The following LRMDA variants were observed in gnomAD, a reference collection of about 807,000 sequenced individuals.
The protein encoded by LRMDA is leucine rich melanocyte differentiation associated.
Under a neutral mutation model 29.8 loss-of-function variants are expected in LRMDA, and 18 were observed. That is an observed-to-expected ratio of 0.60 (90% CI 0.42 to 0.90). LRMDA has a LOEUF of 0.90. LRMDA is among the 40% of genes least tolerant of loss of function. The pLI, the probability that LRMDA is intolerant of heterozygous loss-of-function variation, is 0.00. For synonymous variants in LRMDA, 125 were observed against 109.4 expected, an observed-to-expected ratio of 1.14 and a Z score of -0.89; for missense variants, 273 against 273.9, an observed-to-expected ratio of 1.00 and a Z score of 0.02.
chr10:75,501,922 G>T (rs950302894), intron 2 of LRMDA, among the ~76,000 whole-genome samples: 18 of 152,176 alleles, frequency 1.2e-4, no homozygotes, highest in Non-Finnish European at 1.6e-4. Flanking sequence ...GTCTCCCAAA[G>T]TGCTGGGGTT....
intron 2 of LRMDA, among the ~76,000 whole-genome samples, chr10:76,034,502 G>A (rs1465754099): frequency 6.6e-6 from 1 of 152,172 alleles, no homozygotes; most frequent in African/African-American, 2.4e-5. Context: ...GGACCACCCC[G>A]AGGTCTGGCA....
intron 2 of LRMDA, among the ~76,000 whole-genome samples, chr10:75,658,349 A>C (rs896729052): frequency 2.0e-5 from 3 of 152,144 alleles, no homozygotes; most frequent in African/African-American, 7.2e-5. Context: ...AATGATTCAA[A>C]GGGTAGAAAA....
intron 5 of LRMDA, among the ~76,000 whole-genome samples, chr10:76,145,903 T>G (rs1203594792): frequency 9.9e-5 from 15 of 151,132 alleles, no homozygotes; most frequent in East Asian, 7.8e-4. Context: ...TTTGTTCTCA[T>G]TGGTTTCAAA....
At chr10:76,501,422 G>A (rs1383713354) in intron 6 of LRMDA, among the ~76,000 whole-genome samples, 1 of 151,904 alleles carries the variant, frequency 6.6e-6, no homozygotes, top group African/African-American at 2.4e-5. Context: ...TGGTAGCTCC[G>A]TTTTATGTTC....
At chr10:75,606,154 G>C (rs1840953839) in intron 2 of LRMDA, among the ~76,000 whole-genome samples, 3 of 151,942 alleles carry the variant, frequency 2.0e-5, no homozygotes, top group Admixed American at 2.0e-4. Flanking sequence ...CACTGCGCCT[G>C]GCCAACCCTG....
At chr10:75,748,097 C>G (rs753712617) in intron 2 of LRMDA, among the ~76,000 whole-genome samples, 1 of 151,306 alleles carries the variant, frequency 6.6e-6, no homozygotes, top group Non-Finnish European at 1.5e-5. Context: ...TGTTGTTTAG[C>G]TATTTTTTTT....
intron 2 of LRMDA, among the ~76,000 whole-genome samples, chr10:75,467,131 G>A (rs1022541293): frequency 3.9e-5 from 6 of 152,172 alleles, no homozygotes; most frequent in Admixed American, 1.3e-4. Context: ...GTACGACGAC[G>A]TGGACATATG....
At chr10:75,798,037 G>A (rs543748580) in intron 2 of LRMDA, among the ~76,000 whole-genome samples, 1 of 152,034 alleles carries the variant, frequency 6.6e-6, no homozygotes. Context: ...GTATTTCATT[G>A]TAGTTTTAAT....
chr10:76,078,793 G>A (rs542595250), intron 5 of LRMDA, among the ~76,000 whole-genome samples: 1 of 152,088 alleles, frequency 6.6e-6, no homozygotes, highest in East Asian at 1.9e-4. Flanking sequence ...CTGAGATCGC[G>A]CCATGCACTC....
At chr10:75,755,239 A>G (rs1233689096) in intron 2 of LRMDA, among the ~76,000 whole-genome samples, 1 of 152,186 alleles carries the variant, frequency 6.6e-6, no homozygotes, top group Non-Finnish European at 1.5e-5. Context: ...TCTTAGTTAA[A>G]TGAAACAGTG....
intron 5 of LRMDA, among the ~76,000 whole-genome samples, chr10:76,227,357 A>G (rs761673326): frequency 6.6e-6 from 1 of 152,116 alleles, no homozygotes; most frequent in African/African-American, 2.4e-5. Flanking sequence ...ATTCTTATGC[A>G]AGAGTCTTAA....
At chr10:75,552,002 C>T (rs1314655006) in intron 2 of LRMDA, among the ~76,000 whole-genome samples, 1 of 151,990 alleles carries the variant, frequency 6.6e-6, no homozygotes, top group Non-Finnish European at 1.5e-5. Context: ...GTGATTGCAC[C>T]ACTGCACTCC....
intron 5 of LRMDA, among the ~76,000 whole-genome samples, chr10:76,267,928 C>T (rs542525512): frequency 1.3e-5 from 2 of 152,262 alleles, no homozygotes; most frequent in South Asian, 2.1e-4. Flanking sequence ...AATTAATGTT[C>T]ATGAAGTCCA....
intron 5 of LRMDA, among the ~76,000 whole-genome samples, chr10:76,292,323 C>T (rs1379953753): frequency 6.6e-6 from 1 of 152,134 alleles, no homozygotes; most frequent in Admixed American, 6.5e-5. Flanking sequence ...AGGCTTAGAG[C>T]CATCAGATCA....
chr10:76,325,486 A>G (rs1564724635), intron 6 of LRMDA, among the ~76,000 whole-genome samples: 3 of 152,182 alleles, frequency 2.0e-5, no homozygotes, highest in African/African-American at 2.4e-5. Context: ...CCAACCTGCT[A>G]TGTTTTGAGG....
At chr10:76,236,642 G>C (rs544905400) in intron 5 of LRMDA, among the ~76,000 whole-genome samples, 1 of 152,102 alleles carries the variant, frequency 6.6e-6, no homozygotes, top group Non-Finnish European at 1.5e-5. Context: ...CTGTCTCCTC[G>C]TTTAGTGGCC....
intron 5 of LRMDA, among the ~76,000 whole-genome samples, chr10:76,065,497 G>A (rs1349551652): frequency 6.6e-6 from 1 of 152,182 alleles, no homozygotes; most frequent in Non-Finnish European, 1.5e-5. Flanking sequence ...TGGGACCTCT[G>A]GCTTGCCCAG....
chr10:75,480,753 G>A (rs149455890), intron 2 of LRMDA, among the ~76,000 whole-genome samples: 13 of 152,346 alleles, frequency 8.5e-5, no homozygotes, highest in East Asian at 3.9e-4. Flanking sequence ...TGGGCTGCGG[G>A]TGCAGGTTAG....
intron 5 of LRMDA, among the ~76,000 whole-genome samples, chr10:76,205,937 C>T (rs898546253): frequency 3.3e-5 from 5 of 152,220 alleles, no homozygotes; most frequent in Non-Finnish European, 4.4e-5. Flanking sequence ...GGCCACCATC[C>T]CAGACCTACT....
Sources: gnomAD v4.1 joint callset for allele counts (sites outside exome capture counted in the v4.1 genomes callset) on GRCh38, gnomAD v4.1.1 for gene constraint, MANE v1.5 for transcripts, NCBI Gene and HGNC (gene_info 2026-07-23, HGNC 2026-07-21) for gene names.